Variants in SLC25A12 observed in about 807,000 individuals in gnomAD.
The protein encoded by SLC25A12 is solute carrier family 25 member 12, also known as electrogenic aspartate/glutamate antiporter SLC25A12, mitochondrial.
Under a neutral mutation model 83.3 loss-of-function variants are expected in SLC25A12, and 32 were observed. The ratio of observed to expected loss-of-function variants is 0.38; its 90% confidence interval spans 0.29 to 0.52. The LOEUF (loss-of-function observed/expected upper bound fraction) is 0.52. Ranked by LOEUF, SLC25A12 falls within the 20% of genes least tolerant of loss-of-function variation. The pLI, the probability that SLC25A12 is intolerant of heterozygous loss-of-function variation, is 0.84. For synonymous variants in SLC25A12, 267 were observed against 291.1 expected, an observed-to-expected ratio of 0.92 and a Z score of 0.84; for missense variants, 611 against 835.6, an observed-to-expected ratio of 0.73 and a Z score of 3.31.
At chr2:171,885,417 T>C (rs1207832085) in intron 2 of SLC25A12, among the ~76,000 whole-genome samples, 2 of 151,712 alleles carry the variant, frequency 1.3e-5, no homozygotes, top group Admixed American at 6.6e-5. Context: ...TGGTGGCTCA[T>C]GCCTGTAATC....
chr2:171,871,488 G>C (rs1021761571), intron 2 of SLC25A12, among the ~76,000 whole-genome samples: 7 of 151,920 alleles, frequency 4.6e-5, no homozygotes, highest in African/African-American at 1.4e-4. Context: ...AGAATCACTT[G>C]AATTTGTATT....
intron 5 of SLC25A12, 120 bp downstream of exon 5, chr2:171,844,249 T>C (rs1381064949): frequency 9.3e-7 from 1 of 1,076,392 alleles, no homozygotes. Flanking sequence ...GGGGGAAATT[T>C]AAAAAATAGG....
intron 13 of SLC25A12, among the ~76,000 whole-genome samples, chr2:171,809,061 T>C (rs963699412): frequency 6.6e-6 from 1 of 152,212 alleles, no homozygotes; most frequent in Non-Finnish European, 1.5e-5. Flanking sequence ...TGCATATTAT[T>C]CCATGGTGTA....
intron 2 of SLC25A12, among the ~76,000 whole-genome samples, chr2:171,875,080 TC>T: frequency 6.6e-6 from 1 of 152,186 alleles, no homozygotes; most frequent in Non-Finnish European, 1.5e-5. Context: ...TTGGTTGCTT[TC>T]CGCAACCAAT....
intron 3 of SLC25A12, among the ~76,000 whole-genome samples, chr2:171,862,531 G>C (rs971856350): frequency 5.3e-5 from 8 of 152,134 alleles, no homozygotes. Flanking sequence ...TATCTACTGG[G>C]GGAAAGGAGA....
At chr2:171,862,826 T>C (rs1685192123) in intron 3 of SLC25A12, among the ~76,000 whole-genome samples, 2 of 152,166 alleles carry the variant, frequency 1.3e-5, no homozygotes, top group Non-Finnish European at 2.9e-5. Flanking sequence ...ACGTACCAAG[T>C]AAGCTATTCT....
At chr2:171,790,797 TC>T (rs1345415328) in intron 15 of SLC25A12, among the ~76,000 whole-genome samples, 1 of 151,954 alleles carries the variant, frequency 6.6e-6, no homozygotes, top group Admixed American at 6.6e-5. Context: ...AGCCTTGACC[TC>T]CCAGGCTCAG....
At chr2:171,839,809 T>A (rs907736254) in intron 5 of SLC25A12, among the ~76,000 whole-genome samples, 6 of 152,116 alleles carry the variant, frequency 3.9e-5, no homozygotes, top group African/African-American at 1.4e-4. Flanking sequence ...ATTAGCTGCA[T>A]TGGTACCTCT....
At position 171,835,194 on chromosome 2, in the gene SLC25A12, G is replaced by A. The variant is rs2105887029; in HGVS notation, c.613-329C>T. ...AACAGGATCTTCAAGACCCTCAACTGTGAAACTCTTGCTAGTCCTGGATAA... is the reference window on the plus strand; with the variant it reads ...AACAGGATCTTCAAGACCCTCAACTATGAAACTCTTGCTAGTCCTGGATAA... On this transcript the variant is annotated intron_variant, in intron 6 of 17. Coordinates refer to ENST00000422440, the MANE Select transcript of SLC25A12 (RefSeq NM_003705.5). Among the ~76,000 whole-genome samples, 4 of 152,354 alleles carry A rather than the reference G, an allele frequency of 2.6e-5. No individual in the cohort carries two copies. The South Asian group carries it at 8.3e-4, about 32-fold the overall frequency.
At chr2:171,795,386 A>C (rs1683577880) in intron 13 of SLC25A12, among the ~76,000 whole-genome samples, 1 of 152,236 alleles carries the variant, frequency 6.6e-6, no homozygotes, top group Non-Finnish European at 1.5e-5. Context: ...CTAAGCAAAC[A>C]ATACTTTCAA....
At chr2:171,801,886 G>T (rs1022358) in intron 13 of SLC25A12, among the ~76,000 whole-genome samples, 119,730 of 151,300 alleles carry the variant, frequency 0.79, 48,324 homozygotes, top group East Asian at 0.89. Flanking sequence ...AACCTCATTG[G>T]AAGTCGAGGA....
At chr2:171,812,285 A>G (rs1683961323) in intron 11 of SLC25A12, among the ~76,000 whole-genome samples, 1 of 152,172 alleles carries the variant, frequency 6.6e-6, no homozygotes, top group African/African-American at 2.4e-5. Flanking sequence ...ACCTGTATAT[A>G]ATGCTAACCA....
intron 2 of SLC25A12, among the ~76,000 whole-genome samples, chr2:171,891,875 A>T (rs1316898965): frequency 6.6e-6 from 1 of 152,248 alleles, no homozygotes; most frequent in East Asian, 1.9e-4. Flanking sequence ...GACCTTTAAG[A>T]TTCCCATTTT....
At chr2:171,857,399 T>C (rs1337716194) in intron 3 of SLC25A12, among the ~76,000 whole-genome samples, 1 of 151,522 alleles carries the variant, frequency 6.6e-6, no homozygotes, top group Non-Finnish European at 1.5e-5. Context: ...ATAAAACTTT[T>C]AGAGGCAGGG....
Position 171,797,416 on chromosome 2 carries a change from A to C in SLC25A12, c.1306-3649T>G, listed in dbSNP as rs1313680587. Among the ~76,000 whole-genome samples, 3 of 152,340 alleles carry C rather than the reference A, an allele frequency of 2.0e-5. No individual in the cohort carries two copies. In the East Asian group the frequency reaches 5.8e-4, roughly 29 times the overall value. ...GTCAAAATTTACCTAAGTTTCTCAA[A>C]ACCCAAGTGGCTTAAAGATTAAAAC... is the stretch of plus-strand genomic sequence containing the variant. On this transcript the variant is annotated intron_variant, in intron 13 of 17. Transcript: ENST00000422440.
intron 17 of SLC25A12, among the ~76,000 whole-genome samples, 183 bp downstream of exon 17, chr2:171,787,388 C>T (rs1690508860): frequency 6.6e-6 from 1 of 152,224 alleles, no homozygotes; most frequent in Non-Finnish European, 1.5e-5. Flanking sequence ...TGTACGATGT[C>T]ACTCTGTCAA....
rs1390706189 is a variant in SLC25A12, at chr2:171,849,778, G to C, written c.326-5270C>G. On this transcript the variant is annotated intron_variant, in intron 4 of 17. Transcript: ENST00000422440. ...TCACCGTATTAGCCAGGATGGTCTC[G>C]ATCTCCTGACCTCGTGATCCACCCG... Among the ~76,000 whole-genome samples, 5 of 151,984 alleles carry C rather than the reference G, an allele frequency of 3.3e-5. No homozygotes were observed. In the South Asian group the frequency reaches 1.0e-3, roughly 32 times the overall value.
intron 3 of SLC25A12, among the ~76,000 whole-genome samples, chr2:171,860,095 A>G (rs528102456): frequency 9.2e-5 from 14 of 152,286 alleles, no homozygotes; most frequent in African/African-American, 3.4e-4. Flanking sequence ...TTGCCTAACA[A>G]TGTGAATGCA....
rs766422138 is a variant in SLC25A12, at chr2:171,815,184, T to G, written c.949A>C (p.Arg317=). The change falls in exon 10 of 18, where the codon AGG becomes CGG. Residue 317 remains arginine, a synonymous_variant. Coordinates refer to ENST00000422440, the MANE Select transcript of SLC25A12 (RefSeq NM_003705.5). The part of the protein sequence containing the change: ...LQRQQSPGLG[R]PIWLQIAESA... ...TCGGCAATCTGGAGCCAGATAGGCC[T>G]GCCTAACCCAGGAGACTGCTGCAGA... is the stretch of plus-strand genomic sequence containing the variant. 2 of 1,613,574 alleles carry G rather than the reference T, an allele frequency of 1.2e-6. No individual in the cohort carries two copies. Among genetic ancestry groups the G allele is most frequent in the East Asian group, 4.5e-5 (2 of 44,872 alleles).
Sources: allele counts gnomAD v4.1 joint callset (sites outside exome capture counted in the v4.1 genomes callset), GRCh38; gene constraint gnomAD v4.1.1; transcripts MANE v1.5; gene names NCBI Gene and HGNC (gene_info 2026-07-23, HGNC 2026-07-21).